Variants in CCDC88C observed in about 807,000 individuals in gnomAD.
The protein encoded by CCDC88C is coiled-coil and HOOK domain protein 88C.
Under a neutral mutation model 198.8 loss-of-function variants are expected in CCDC88C, and 131 were observed. That is an observed-to-expected ratio of 0.66 (90% CI 0.57 to 0.76). The LOEUF (loss-of-function observed/expected upper bound fraction) is 0.76, where lower values mean the gene tolerates loss of function less well. Among genes scored for constraint, CCDC88C ranks in the 30% least tolerant of loss-of-function variants. The pLI, the probability that CCDC88C is intolerant of heterozygous loss-of-function variation, is 0.00. For missense variants in CCDC88C, 2,553 were observed against 2,631.6 expected (o/e 0.97, Z 0.65); for synonymous variants, 1,166 against 1,114.7 (o/e 1.05, Z -0.92).
At chr14:91,384,808 T>C (rs950632107) in intron 3 of CCDC88C, among the ~76,000 whole-genome samples, 4 of 151,852 alleles carry the variant, frequency 2.6e-5, no homozygotes, top group East Asian at 3.9e-4. Flanking sequence ...CCTCCCCCAC[T>C]CCCTTCCTGG....
Position 91,352,285 on chromosome 14 carries a change from C to G in CCDC88C, c.340+7357G>C, listed in dbSNP as rs1893847679. Among the ~76,000 whole-genome samples, 1 of 152,194 alleles carries G rather than the reference C, an allele frequency of 6.6e-6. No homozygotes were observed. Among genetic ancestry groups the G allele is most frequent in the African/African-American group, 2.4e-5 (1 of 41,444 alleles). On this transcript the variant is annotated intron_variant, in intron 4 of 29. Coordinates refer to ENST00000389857, the MANE Select transcript of CCDC88C (RefSeq NM_001080414.4). The surrounding 1 kb of genome is among the most constrained non-coding windows in gnomAD (Gnocchi z 4.2). ...ACAAAGTCTGGTCTCCAGGCAGATC[C>G]GCGGGTGCTTGGAGGCCGGCGTGTG... is the stretch of plus-strand genomic sequence containing the variant.
At chr14:91,365,120 C>G (rs1422199408) in intron 3 of CCDC88C, among the ~76,000 whole-genome samples, 1 of 152,176 alleles carries the variant, frequency 6.6e-6, no homozygotes, top group Non-Finnish European at 1.5e-5. Flanking sequence ...AGGCCACAGG[C>G]ACCCTACGGT....
At chr14:91,383,120 C>T (rs1444914833) in intron 3 of CCDC88C, among the ~76,000 whole-genome samples, 17 of 152,216 alleles carry the variant, frequency 1.1e-4, no homozygotes, top group Admixed American at 1.1e-3. Context: ...TGCATCACTG[C>T]AGCCTCCAGC....
intron 20 of CCDC88C, among the ~76,000 whole-genome samples, chr14:91,302,861 C>T (rs560504974): frequency 3.3e-5 from 5 of 152,196 alleles, no homozygotes; most frequent in South Asian, 2.1e-4. Flanking sequence ...CAAACGGAGC[C>T]GTGGAGAATT....
chr14:91,319,331 C>T (rs1045151223), intron 13 of CCDC88C, among the ~76,000 whole-genome samples: 1 of 152,224 alleles, frequency 6.6e-6, no homozygotes, highest in African/African-American at 2.4e-5. Flanking sequence ...CTTGCAAACT[C>T]TCATCTGTTC....
chr14:91,330,593 T>C (rs183206863), intron 10 of CCDC88C, among the ~76,000 whole-genome samples: 130 of 152,102 alleles, frequency 8.5e-4, no homozygotes, highest in African/African-American at 3.1e-3. Context: ...AGAAACAGGC[T>C]TACAAACAGG....
In CCDC88C at chr14:91,410,846, T is replaced by C. The variant is rs138103422; in HGVS notation, c.162-2079A>G. On this transcript the variant is annotated intron_variant, in intron 2 of 29. Transcript: ENST00000389857. ...TTTGTCATTGTAGACCCATCTTTCA[T>C]TGAAGTCAGACGGGACCACCCCAGG... 8.0e-3 allele frequency among the ~76,000 whole-genome samples: 1,225 copies of C among 152,326 alleles called. 6 individuals are homozygous for C. Among genetic ancestry groups the C allele is most frequent in the African/African-American group, 0.012 (500 of 41,570 alleles).
chr14:91,405,177 T>C (rs957855257), intron 3 of CCDC88C, among the ~76,000 whole-genome samples: 5 of 152,072 alleles, frequency 3.3e-5, no homozygotes, highest in Non-Finnish European at 5.9e-5. Flanking sequence ...AGAGGTCAAC[T>C]TGAGCATCCT....
At chr14:91,316,426 CTT>C (rs202166017) in intron 13 of CCDC88C, among the ~76,000 whole-genome samples, 3 of 146,004 alleles carry the variant, frequency 2.1e-5, no homozygotes, top group Non-Finnish European at 1.5e-5. Context: ...CTGACTCAAC[CTT>C]TTTTTTTTTT....
Position 91,352,895 on chromosome 14 carries a change from C to T in CCDC88C, c.340+6747G>A. On this transcript the variant is annotated intron_variant, in intron 4 of 29. Coordinates refer to ENST00000389857, the MANE Select transcript of CCDC88C (RefSeq NM_001080414.4). The surrounding 1 kb of genome is among the most constrained non-coding windows in gnomAD (Gnocchi z 4.2). ...TCTGCAGCAGGAGGACTGTTCCTCACAAGCCGGACTCTGAGCCTGTGCCTG... is the reference window on the plus strand; with the variant it reads ...TCTGCAGCAGGAGGACTGTTCCTCATAAGCCGGACTCTGAGCCTGTGCCTG... Among the ~76,000 whole-genome samples the T allele has an allele frequency of 6.6e-6, 1 of 152,192 alleles. No individual in the cohort carries two copies. The highest frequency in any genetic ancestry group is 2.4e-5 in the African/African-American group (1 of 41,458).
intron 3 of CCDC88C, among the ~76,000 whole-genome samples, chr14:91,394,969 C>T (rs1045962294): frequency 6.6e-6 from 1 of 152,168 alleles, no homozygotes; most frequent in African/African-American, 2.4e-5. Flanking sequence ...GGTGGGCATC[C>T]TCCCCTCCCA....
chr14:91,398,271 C>A (rs1241561236), intron 3 of CCDC88C, among the ~76,000 whole-genome samples: 2 of 152,234 alleles, frequency 1.3e-5, no homozygotes, highest in Non-Finnish European at 2.9e-5. Context: ...GAAACCAAAT[C>A]TGCCTCCCAA....
rs184239302 is a variant in CCDC88C, at chr14:91,381,620, G to A, written c.271-21909C>T. The stretch of plus-strand genomic sequence containing the variant: ...GGCCAAGTTGGGTGGATCAATTGAA[G>A]TCAGGAGTTCGAGACCACCCTGGCC... On this transcript the variant is annotated intron_variant, in intron 3 of 29. Transcript: ENST00000389857. The surrounding 1 kb of genome is among the most constrained non-coding windows in gnomAD (Gnocchi z 4.2). Among the ~76,000 whole-genome samples the A allele has an allele frequency of 9.9e-5, 15 of 152,280 alleles. No individual in the cohort carries two copies. In the East Asian group the frequency reaches 2.9e-3, roughly 29 times the overall value.
chr14:91,315,274 G>T (rs530024657), intron 14 of CCDC88C, among the ~76,000 whole-genome samples: 1 of 152,130 alleles, frequency 6.6e-6, no homozygotes, highest in East Asian at 1.9e-4. Flanking sequence ...AAACCACACG[G>T]ATTTGCCAGG....
chr14:91,391,257 CAAAAA>C (rs144036813), intron 3 of CCDC88C, among the ~76,000 whole-genome samples: 12 of 142,016 alleles, frequency 8.4e-5, no homozygotes, highest in Non-Finnish European at 1.7e-4. Context: ...CAAAACAAAA[CAAAAA>C]AAAAAACCCA....
At chr14:91,382,113 T>C (rs1050578339) in intron 3 of CCDC88C, among the ~76,000 whole-genome samples, 16 of 152,204 alleles carry the variant, frequency 1.1e-4, no homozygotes, top group Non-Finnish European at 2.2e-4. Context: ...TCACAATTTC[T>C]CTGGGCCCTG....
intron 27 of CCDC88C, chr14:91,279,536 A>G (rs1827163459): frequency 4.7e-6 from 2 of 423,012 alleles, no homozygotes; most frequent in South Asian, 4.4e-5. Context: ...TACTCTGCTT[A>G]TCTACATTTA....
At chr14:91,293,157 A>ACAGCTCACCTTCC (rs1890750850) in intron 23 of CCDC88C, among the ~76,000 whole-genome samples, 1 of 133,794 alleles carries the variant, frequency 7.5e-6, no homozygotes. Flanking sequence ...CTCACCTGCC[A>ACAGCTCACCTTCC]TAGCCCACCT....
At chr14:91,281,020 T>C in intron 27 of CCDC88C, 1 of 382,512 alleles carries the variant, frequency 2.6e-6, no homozygotes, top group Non-Finnish European at 5.3e-6. Flanking sequence ...CTGTCTCCCT[T>C]CTGCAGAAAT....
Sources: gnomAD v4.1 joint callset for allele counts (sites outside exome capture counted in the v4.1 genomes callset) on GRCh38, gnomAD v4.1.1 for gene constraint, Gnocchi (gnomAD v3.1) non-coding constraint, MANE v1.5 for transcripts, NCBI Gene and HGNC (gene_info 2026-07-23, HGNC 2026-07-21) for gene names.